Variants in POLN observed in about 807,000 individuals in gnomAD.
The protein encoded by POLN is DNA polymerase nu.
In POLN, 108 loss-of-function variants were observed where a neutral mutation model predicts 113.5. The observed-to-expected ratio is 0.95, with a 90% CI of 0.81 to 1.12. The LOEUF is 1.12. Ranked by LOEUF, POLN falls within the 50% of genes most tolerant of loss-of-function variation. The pLI, the probability that POLN is intolerant of heterozygous loss-of-function variation, is 0.00. For missense variants in POLN, 1,097 were observed against 1,077.1 expected, an observed-to-expected ratio of 1.02 and a Z score of -0.26; for synonymous variants, 386 against 391.5, an observed-to-expected ratio of 0.99 and a Z score of 0.17.
chr4:2,094,972 C>T (rs369804418), intron 20 of POLN, among the ~76,000 whole-genome samples: 145 of 152,196 alleles, frequency 9.5e-4, no homozygotes, highest in African/African-American at 3.3e-3. Flanking sequence ...GCCCTGCTAC[C>T]CAAAGAAGAA....
At chr4:2,192,114 C>CAAA (rs772637540) in intron 7 of POLN, among the ~76,000 whole-genome samples, 3,064 of 66,634 alleles carry the variant, frequency 0.046, 240 homozygotes, top group African/African-American at 0.13. Context: ...GACTCCATCT[C>CAAA]AAAAAAAAAA....
rs1423762945 is a variant in POLN, at chr4:2,127,982, A to G, written c.1982+131T>C. ...TCCTAGTTATCTACTCTTCTTTTCA[A>G]AATGATTAGCTATTAGCCACAAAAA... On this transcript the variant is annotated intron_variant, in intron 19 of 25. Coordinates refer to ENST00000511885, the MANE Select transcript of POLN (RefSeq NM_181808.4). This position sits in a 1 kb window ranked among gnomAD's most constrained non-coding sequence, Gnocchi z 4.7. The G allele has an allele frequency of 1.6e-6, 1 of 632,678 alleles. No homozygotes were observed. The highest frequency in any genetic ancestry group is 3.0e-5 in the Admixed American group (1 of 33,008). 39.2% of individuals were successfully genotyped at this position (632,678 alleles called of 1,614,324 possible).
chr4:2,141,316 T>C (rs980320565), intron 16 of POLN, among the ~76,000 whole-genome samples: 1 of 152,228 alleles, frequency 6.6e-6, no homozygotes, highest in African/African-American at 2.4e-5. Context: ...CATTCACAGC[T>C]GGTGGATTCA....
intron 17 of POLN, among the ~76,000 whole-genome samples, chr4:2,129,460 C>G (rs1293097474): frequency 6.6e-6 from 1 of 152,158 alleles, no homozygotes; most frequent in Non-Finnish European, 1.5e-5. Context: ...ACAATCATAG[C>G]TCACTGCAGC....
At chr4:2,139,234 A>T (rs1012948242) in intron 16 of POLN, among the ~76,000 whole-genome samples, 2 of 152,178 alleles carry the variant, frequency 1.3e-5, no homozygotes, top group Non-Finnish European at 2.9e-5. Flanking sequence ...CCCAGGGGGA[A>T]GCGTGAGCCT....
intron 9 of POLN, among the ~76,000 whole-genome samples, chr4:2,175,181 G>C (rs1296755109): frequency 6.6e-6 from 1 of 151,936 alleles, no homozygotes; most frequent in African/African-American, 2.4e-5. Flanking sequence ...GGGCATGGCT[G>C]GTCTCCCACC....
chr4:2,224,158 A>T (rs941985905), intron 3 of POLN, among the ~76,000 whole-genome samples: 42 of 152,300 alleles, frequency 2.8e-4, no homozygotes, highest in African/African-American at 9.9e-4. Context: ...TTAACTTTTT[A>T]AAAAATGTTC....
At chr4:2,072,538 C>G (rs934937743) in intron 25 of POLN, among the ~76,000 whole-genome samples, 2 of 152,250 alleles carry the variant, frequency 1.3e-5, no homozygotes, top group African/African-American at 4.8e-5. Context: ...GAGGTTCCCC[C>G]ACCTGCCAGG....
chr4:2,239,017 A>G (rs1734874999), intron 2 of POLN: 1 of 1,538,642 alleles, frequency 6.5e-7, no homozygotes, highest in Admixed American at 2.2e-5. Context: ...TAGAAATTTT[A>G]GCATCCAAAT....
chr4:2,240,131 A>G (rs1185861181), intron 2 of POLN: 3 of 1,613,942 alleles, frequency 1.9e-6, no homozygotes, highest in Admixed American at 1.7e-5. Flanking sequence ...ACTGATGTTG[A>G]GCACAAATGT....
At chr4:2,218,872 T>C (rs535546005) in intron 3 of POLN, among the ~76,000 whole-genome samples, 1 of 152,334 alleles carries the variant, frequency 6.6e-6, no homozygotes, top group South Asian at 2.1e-4. Context: ...CTCCAGGATC[T>C]GACTTCTGTG....
intron 7 of POLN, among the ~76,000 whole-genome samples, chr4:2,189,976 G>C (rs891415641): frequency 7.1e-6 from 1 of 141,556 alleles, no homozygotes; most frequent in African/African-American, 2.6e-5. Flanking sequence ...AGTGAGCTGA[G>C]ATCACGCCAC....
rs1346475470 is a variant in POLN at position 2,171,089 on chromosome 4, C to CT, written c.1458+8_1458+9insA. ...TACATTTTATGAAAGAACCAAAATT[C>CT]AGCTTTACCTCTCGAAGCTGGTTAT... On this transcript the variant is annotated intron_variant, in intron 12 of 25. Coordinates refer to ENST00000511885, the MANE Select transcript of POLN (RefSeq NM_181808.4). 1.6e-5 allele frequency: 26 copies of CT among 1,602,596 alleles called. No homozygotes were observed. The highest frequency in any genetic ancestry group is 2.0e-5 in the Non-Finnish European group (24 of 1,175,102).
intron 18 of POLN, 76 bp downstream of exon 18, chr4:2,129,103 T>A: frequency 6.4e-5 from 52 of 818,528 alleles, no homozygotes; most frequent in Non-Finnish European, 8.6e-5. Flanking sequence ...ATGAATTCCA[T>A]AAGTACCTTT....
rs537492633 is a variant in POLN, at chr4:2,126,393, G to A, written c.1982+1720C>T. Among the ~76,000 whole-genome samples the A allele has an allele frequency of 7.2e-5, 11 of 152,306 alleles. No homozygotes were observed. Among genetic ancestry groups the A allele is most frequent in the African/African-American group, 1.2e-4 (5 of 41,566 alleles). ...TTTTCTGATTCAAACGCAAGTTTGCGTTCTATACTATTCATTCATTTATTT... is the reference window on the plus strand; with the variant it reads ...TTTTCTGATTCAAACGCAAGTTTGCATTCTATACTATTCATTCATTTATTT... On this transcript the variant is annotated intron_variant, in intron 19 of 25. Coordinates refer to ENST00000511885, the MANE Select transcript of POLN (RefSeq NM_181808.4). The surrounding 1 kb of genome is among the most constrained non-coding windows in gnomAD (Gnocchi z 4.6).
At position 2,071,997 on chromosome 4, in the gene POLN, G is replaced by T; in HGVS notation, c.*117C>A. The T allele has an allele frequency of 8.5e-7, 1 of 1,182,172 alleles. No individual in the cohort carries two copies. The highest frequency in any genetic ancestry group is 1.3e-6 in the Non-Finnish European group (1 of 788,934). The allele number at this position is 1,182,172 out of a possible 1,614,324, so 73.2% of individuals were successfully genotyped here. ...CAGGCATTTACTCCAGGGGATGGCG[G>T]GCCACCCCAGCCCCAAAGGGTTAAT... On this transcript the variant is annotated 3_prime_UTR_variant, in exon 26 of 26. Coordinates refer to ENST00000511885, the MANE Select transcript of POLN (RefSeq NM_181808.4). The surrounding 1 kb of genome is among the most constrained non-coding windows in gnomAD (Gnocchi z 5.2).
intron 16 of POLN, among the ~76,000 whole-genome samples, chr4:2,155,277 G>C (rs771021885): frequency 6.6e-6 from 1 of 152,162 alleles, no homozygotes; most frequent in Non-Finnish European, 1.5e-5. Flanking sequence ...ATTGGTGCTG[G>C]TATTGGTATT....
At chr4:2,240,435 T>C (rs1370152461) in intron 2 of POLN, 1 of 1,613,904 alleles carries the variant, frequency 6.2e-7, no homozygotes, top group East Asian at 2.2e-5. Flanking sequence ...TGTAACTTCA[T>C]CAGTAAGAGC....
rs757488846 is a variant in POLN, at chr4:2,241,632, C to T, written c.-125G>A. ...ACAATTAAGGGTGCTTCGGGCCGGC[C>T]TTCAGCCAGCGCTGAGGCAGCCCCG... On this transcript the variant is annotated 5_prime_UTR_variant, in exon 2 of 26. Coordinates refer to ENST00000511885, the MANE Select transcript of POLN (RefSeq NM_181808.4). 149 of 985,378 alleles carry T rather than the reference C, an allele frequency of 1.5e-4. No homozygotes were observed. The highest frequency in any genetic ancestry group is 1.7e-4 in the Non-Finnish European group (141 of 829,970). 61.0% of individuals were successfully genotyped at this position (985,378 alleles called of 1,614,324 possible).
Sources: gnomAD v4.1 joint callset for allele counts (sites outside exome capture counted in the v4.1 genomes callset) on GRCh38, gnomAD v4.1.1 for gene constraint, Gnocchi (gnomAD v3.1) non-coding constraint, MANE v1.5 for transcripts, NCBI Gene and HGNC (gene_info 2026-07-23, HGNC 2026-07-21) for gene names.